ADCY9: variants seen among roughly 807,000 people sequenced by gnomAD.
ADCY9 encodes adenylate cyclase 9, also known as adenylate cyclase type 9.
In ADCY9, 50 loss-of-function variants were observed where a neutral mutation model predicts 101.5. The ratio of observed to expected loss-of-function variants is 0.49; its 90% confidence interval spans 0.39 to 0.62. The LOEUF is 0.62. Ranked by LOEUF, ADCY9 falls within the 20% of genes least tolerant of loss-of-function variation. The pLI is 0.00. For synonymous variants in ADCY9, 905 were observed against 769.3 expected, an observed-to-expected ratio of 1.18 and a Z score of -2.92; for missense variants, 1,662 against 1,800.4, an observed-to-expected ratio of 0.92 and a Z score of 1.39.
chr16:4,014,779 TTC>T (rs113817433), intron 2 of ADCY9, among the ~76,000 whole-genome samples: 1 of 149,298 alleles, frequency 6.7e-6, no homozygotes, highest in African/African-American at 2.5e-5. Context: ...TGTGCACGCA[TTC>T]TCTCTCTCTC....
At chr16:4,099,068 G>T (rs902844261) in intron 2 of ADCY9, among the ~76,000 whole-genome samples, 1 of 152,052 alleles carries the variant, frequency 6.6e-6, no homozygotes, top group African/African-American at 2.4e-5. Context: ...GAGTAGCTGG[G>T]ATTACAGGTG....
At chr16:4,079,514 A>G (rs2056888752) in intron 2 of ADCY9, among the ~76,000 whole-genome samples, 1 of 152,208 alleles carries the variant, frequency 6.6e-6, no homozygotes, top group Non-Finnish European at 1.5e-5. Context: ...GGTTGCAGTG[A>G]GCCGAGATCA....
chr16:4,049,285 G>A (rs1380160858), intron 2 of ADCY9, among the ~76,000 whole-genome samples: 2 of 152,122 alleles, frequency 1.3e-5, no homozygotes, highest in African/African-American at 4.8e-5. Context: ...GAGGGTCCAG[G>A]GAAATGCTGC....
At chr16:4,094,716 T>C (rs2056992394) in intron 2 of ADCY9, among the ~76,000 whole-genome samples, 1 of 151,682 alleles carries the variant, frequency 6.6e-6, no homozygotes, top group Admixed American at 6.6e-5. Flanking sequence ...AATATAATAA[T>C]CAGGCACTGC....
In ADCY9 at chr16:4,006,245, CAG is replaced by C. The variant is rs570751572; in HGVS notation, c.1884+1121_1884+1122del. Among the ~76,000 whole-genome samples, 9 of 152,224 alleles carry C rather than the reference CAG, an allele frequency of 5.9e-5. No individual in the cohort carries two copies. In the South Asian group the frequency reaches 1.9e-3, roughly 32 times the overall value. On this transcript the variant is annotated intron_variant, in intron 3 of 10. Transcript: ENST00000294016. ...GCTAGGGATGCTGCCAGCCATCTGA[CAG>C]TGCACAGGACAGCCCCACAACACAT...
intron 6 of ADCY9, 110 bp downstream of exon 6, chr16:3,988,884 G>T: frequency 1.2e-6 from 1 of 824,322 alleles, no homozygotes; most frequent in Non-Finnish European, 2.1e-6. Context: ...GGAAATCAAT[G>T]TTCGCCTTCG....
chr16:4,070,321 G>A (rs1017554603), intron 2 of ADCY9, among the ~76,000 whole-genome samples: 17 of 152,088 alleles, frequency 1.1e-4, no homozygotes, highest in Non-Finnish European at 5.9e-5. Context: ...GGAAAACTGG[G>A]TAACATATAT....
At position 4,002,313 on chromosome 16, in the gene ADCY9, T is replaced by C. The variant is rs912591970; in HGVS notation, c.1884+5055A>G. 2.6e-5 allele frequency among the ~76,000 whole-genome samples: 4 copies of C among 152,172 alleles called. No homozygotes were observed. In the East Asian group the frequency reaches 5.8e-4, roughly 22 times the overall value. Reference sequence around the variant, plus strand: ...TGAAAAGCCCCTTACTTCCTCAAATTGGGCCAACTGAGCCTACTCATAATG... The same window carrying C: ...TGAAAAGCCCCTTACTTCCTCAAATCGGGCCAACTGAGCCTACTCATAATG... On this transcript the variant is annotated intron_variant, in intron 3 of 10. Transcript: ENST00000294016.
Position 4,115,273 on chromosome 16 carries a change from G to A in ADCY9, c.170C>T (p.Ser57Phe). 1.2e-6 allele frequency: 2 copies of A among 1,613,796 alleles called. No homozygotes were observed. Among genetic ancestry groups the A allele is most frequent in the Non-Finnish European group, 1.7e-6 (2 of 1,179,854 alleles). ...KYSISSSCSS[S>F]GDSGGVPRRV... ...CCGGGGGACGCCCCCGGAGTCCCCA[G>A]AGCTGCTGCAGCTAGAGGAGATGCT... is the stretch of plus-strand genomic sequence containing the variant. Residue 57 changes from serine (S) to phenylalanine (F), a missense_variant, in exon 2 of 11, where the codon TCT (serine) becomes TTT (phenylalanine). By Grantham distance (155) the Ser-to-Phe change is radical (BLOSUM62 -2). Around this residue, in one of 5 missense-constraint regions of ADCY9, gnomAD observed 422 missense variants for 392.0 expected, o/e 1.08. Coordinates refer to ENST00000294016, the MANE Select transcript of ADCY9 (RefSeq NM_001116.4). This position sits in a 1 kb window ranked among gnomAD's most constrained non-coding sequence, Gnocchi z 6.2.
chr16:4,088,358 C>G (rs2141186616), intron 2 of ADCY9, among the ~76,000 whole-genome samples: 1 of 152,094 alleles, frequency 6.6e-6, no homozygotes, highest in South Asian at 2.1e-4. Context: ...GCAGCATGAT[C>G]TCAGCTCACT....
rs542115677 is a variant in ADCY9 at position 4,030,830 on chromosome 16, G to T, written c.1694-23272C>A. On this transcript the variant is annotated intron_variant, in intron 2 of 10. Transcript: ENST00000294016. ...AGAAGGAGGAAGTGGGTAGCGTTGGGAGGGACACGAGGGAGGCTTCTGGGA... is the reference window on the plus strand; with the variant it reads ...AGAAGGAGGAAGTGGGTAGCGTTGGTAGGGACACGAGGGAGGCTTCTGGGA... Among the ~76,000 whole-genome samples, 5 of 152,332 alleles carry T rather than the reference G, an allele frequency of 3.3e-5. No homozygotes were observed. The East Asian group carries it at 9.6e-4, about 29-fold the overall frequency.
At chr16:3,985,676 G>C (rs879340453) in intron 6 of ADCY9, among the ~76,000 whole-genome samples, 9 of 152,098 alleles carry the variant, frequency 5.9e-5, no homozygotes, top group South Asian at 2.1e-4. Context: ...CCAAGGGCTC[G>C]GGTACAGGGC....
intron 3 of ADCY9, among the ~76,000 whole-genome samples, chr16:3,994,994 G>C (rs2056275786): frequency 6.6e-6 from 1 of 152,086 alleles, no homozygotes; most frequent in African/African-American, 2.4e-5. Context: ...ATTTAATACA[G>C]GTACCCTAAA....
In ADCY9 at chr16:3,966,643, A is replaced by G. The variant is rs777812556; in HGVS notation, c.3194T>C (p.Val1065Ala). 6.2e-7 allele frequency: 1 copy of G among 1,614,048 alleles called. No individual in the cohort carries two copies. Among genetic ancestry groups the G allele is most frequent in the Non-Finnish European group, 8.5e-7 (1 of 1,180,000 alleles). Residue 1065 changes from valine (V) to alanine (A), a missense_variant, in exon 11 of 11, where the codon GTC (valine) becomes GCC (alanine). Transcript: ENST00000294016. ...DSGGVIFASI[V>A]NFSEFYEENY... ...CTCCTCGTAGAACTCGCTGAAGTTG[A>G]CGATGCTGGCGAAGATCACCCCTCC...
chr16:4,094,607 CA>C lies in ADCY9; in HGVS notation c.1693+19142del, dbSNP rs538261692. 2.2e-4 allele frequency among the ~76,000 whole-genome samples: 34 copies of C among 151,308 alleles called. No homozygotes were observed. The East Asian group carries it at 6.2e-3, about 28-fold the overall frequency. ...GGGACGATCGCTCGAGGCCCCGCAA[CA>C]CAGCAAGACCCCCATCTCTAATAAG... is the stretch of plus-strand genomic sequence containing the variant. On this transcript the variant is annotated intron_variant, in intron 2 of 10. Coordinates refer to ENST00000294016, the MANE Select transcript of ADCY9 (RefSeq NM_001116.4).
intron 2 of ADCY9, among the ~76,000 whole-genome samples, chr16:4,026,516 T>C (rs1025994871): frequency 1.3e-5 from 2 of 151,924 alleles, no homozygotes; most frequent in African/African-American, 4.8e-5. Flanking sequence ...AATCAAACCT[T>C]ATGTTTACAA....
At chr16:4,067,712 A>T (rs1353802412) in intron 2 of ADCY9, among the ~76,000 whole-genome samples, 1 of 152,180 alleles carries the variant, frequency 6.6e-6, no homozygotes, top group Non-Finnish European at 1.5e-5. Context: ...GGAGAGGGTC[A>T]ATTCAGGGCA....
At position 3,992,384 on chromosome 16, in the gene ADCY9, C is replaced by G. The variant is rs373097589; in HGVS notation, c.1990-21G>C. ...GAAGCCTGCCTCGAGACAAAGAGGACGCAGACACGGGAAGTGAAGTGGCAC... is the reference window on the plus strand; with the variant it reads ...GAAGCCTGCCTCGAGACAAAGAGGAGGCAGACACGGGAAGTGAAGTGGCAC... On this transcript the variant is annotated intron_variant, in intron 4 of 10. Coordinates refer to ENST00000294016, the MANE Select transcript of ADCY9 (RefSeq NM_001116.4). The surrounding 1 kb of genome is among the most constrained non-coding windows in gnomAD (Gnocchi z 4.2). 1.9e-6 allele frequency: 3 copies of G among 1,609,918 alleles called. No individual in the cohort carries two copies. The highest frequency in any genetic ancestry group is 2.5e-6 in the Non-Finnish European group (3 of 1,177,088).
intron 2 of ADCY9, among the ~76,000 whole-genome samples, chr16:4,054,724 C>T (rs912593852): frequency 6.6e-6 from 1 of 152,064 alleles, no homozygotes; most frequent in Non-Finnish European, 1.5e-5. Context: ...GTGCCCGCCA[C>T]CATGCCCGGC....
Sources: gnomAD v4.1 joint callset for allele counts (sites outside exome capture counted in the v4.1 genomes callset) on GRCh38, gnomAD v4.1.1 for gene constraint, gnomAD v4.1.1 regional missense constraint, Gnocchi (gnomAD v3.1) non-coding constraint, MANE v1.5 for transcripts, NCBI Gene and HGNC (gene_info 2026-07-23, HGNC 2026-07-21) for gene names.